The following TMCC3 variants were observed in gnomAD, a reference collection of about 807,000 sequenced individuals.
TMCC3 encodes the protein transmembrane and coiled-coil domain protein 3.
A neutral mutation model predicts 40.2 loss-of-function variants in TMCC3; 28 were observed. That is an observed-to-expected ratio of 0.70 (90% CI 0.52 to 0.95). TMCC3 has a LOEUF of 0.95. TMCC3 is among the 40% of genes least tolerant of loss of function. The probability of loss-of-function intolerance (pLI) is 0.00; values close to 1 mark genes in which losing one functional copy is unlikely to be tolerated. For synonymous variants in TMCC3, 255 were observed against 248.5 expected, an observed-to-expected ratio of 1.03 and a Z score of -0.25; for missense variants, 554 against 615.2, an observed-to-expected ratio of 0.90 and a Z score of 1.05.
intron 1 of TMCC3, among the ~76,000 whole-genome samples, chr12:94,597,569 C>T (rs967228859): frequency 1.2e-4 from 18 of 152,122 alleles, no homozygotes; most frequent in East Asian, 9.7e-4. Context: ...CTCTGGGAGG[C>T]TGAGGCAGGT....
chr12:94,615,381 C>T (rs951954177), intron 1 of TMCC3, among the ~76,000 whole-genome samples: 9 of 152,310 alleles, frequency 5.9e-5, no homozygotes, highest in Middle Eastern at 3.4e-3. Flanking sequence ...CTTCCTCTCC[C>T]ACAGCTCGAG....
chr12:94,616,006 C>G, intron 1 of TMCC3: 8 of 985,412 alleles, frequency 8.1e-6, no homozygotes, highest in Non-Finnish European at 9.6e-6. Flanking sequence ...ATCTGCAAGG[C>G]AGGCAGGCTA....
chr12:94,622,018 C>T (rs943340113), intron 1 of TMCC3, among the ~76,000 whole-genome samples: 1 of 152,194 alleles, frequency 6.6e-6, no homozygotes, highest in Non-Finnish European at 1.5e-5. Flanking sequence ...CAGCCCCACA[C>T]AGTTAACAAC....
chr12:94,571,083 A>C lies in TMCC3; in HGVS notation c.*352T>G, dbSNP rs769380785. 44 of 244,746 alleles carry C rather than the reference A, an allele frequency of 1.8e-4. No individual in the cohort carries two copies. Among genetic ancestry groups the C allele is most frequent in the Non-Finnish European group, 2.5e-4 (32 of 125,654 alleles). 15.2% of individuals were successfully genotyped at this position (244,746 alleles called of 1,614,324 possible). A position where few individuals can be genotyped will look rare whatever the true frequency, so the allele number is the denominator to read the frequency against. On this transcript the variant is annotated 3_prime_UTR_variant, in exon 4 of 4. Coordinates refer to ENST00000261226, the MANE Select transcript of TMCC3 (RefSeq NM_020698.4). ...ACAACCATTAGCAATTGTGAAGCTC[A>C]ATTCTGACAGAGACTTAGGAGAGAG...
chr12:94,580,474 T>C (rs1368103385), intron 2 of TMCC3, among the ~76,000 whole-genome samples: 3 of 152,158 alleles, frequency 2.0e-5, no homozygotes, highest in Non-Finnish European at 4.4e-5. Context: ...GTGGTTCATG[T>C]CTGTAATCCC....
chr12:94,574,601 C>T lies in TMCC3; in HGVS notation c.1132-2864G>A, dbSNP rs142955954. Among the ~76,000 whole-genome samples the T allele has an allele frequency of 9.4e-3, 1,428 of 152,302 alleles. 31 individuals carry two copies. The highest frequency in any genetic ancestry group is 0.033 in the African/African-American group (1,374 of 41,560). On this transcript the variant is annotated intron_variant, in intron 3 of 3. Transcript: ENST00000261226. Reference sequence around the variant, plus strand: ...GATTTGCTTTTCTTCTGCTGAATAACTCTATGGGCCAAAGAACAGGTTCTC... The same window carrying T: ...GATTTGCTTTTCTTCTGCTGAATAATTCTATGGGCCAAAGAACAGGTTCTC...
chr12:94,587,950 T>A (rs1390244980), intron 1 of TMCC3, among the ~76,000 whole-genome samples: 9 of 152,230 alleles, frequency 5.9e-5, no homozygotes, highest in Non-Finnish European at 1.5e-5. Context: ...ATCCGCCTAC[T>A]GAAACGCCAT....
intron 1 of TMCC3, chr12:94,598,901 G>C: frequency 4.3e-6 from 2 of 465,170 alleles, no homozygotes; most frequent in Non-Finnish European, 5.6e-6. Flanking sequence ...ATTTGGGTTG[G>C]CTGTATCTCC....
chr12:94,632,430 A>T (rs907070706), intron 1 of TMCC3, among the ~76,000 whole-genome samples: 1 of 152,240 alleles, frequency 6.6e-6, no homozygotes, highest in Non-Finnish European at 1.5e-5. Context: ...TTTCAGGTAA[A>T]ATTAAAGTAC....
intron 1 of TMCC3, among the ~76,000 whole-genome samples, chr12:94,593,679 T>C (rs975515076): frequency 6.6e-6 from 1 of 152,036 alleles, no homozygotes; most frequent in African/African-American, 2.4e-5. Context: ...TCACAAACAC[T>C]TGATACTGTA....
At position 94,614,366 on chromosome 12, in the gene TMCC3, C is replaced by T. The variant is rs117853465; in HGVS notation, c.79-31828G>A. Among the ~76,000 whole-genome samples the T allele has an allele frequency of 7.9e-3, 1,200 of 152,250 alleles. 8 individuals carry two copies. The highest frequency in any genetic ancestry group is 0.011 in the Non-Finnish European group (781 of 68,014). On this transcript the variant is annotated intron_variant, in intron 1 of 3. Transcript: ENST00000261226. Reference sequence around the variant, plus strand: ...GTTACACACAGGAATGTGAAGCATGCAGTCAGGAGAAAGCCCTGTAATTGC... The same window carrying T: ...GTTACACACAGGAATGTGAAGCATGTAGTCAGGAGAAAGCCCTGTAATTGC...
At chr12:94,585,495 G>A (rs1018253408) in intron 1 of TMCC3, among the ~76,000 whole-genome samples, 1 of 152,078 alleles carries the variant, frequency 6.6e-6, no homozygotes, top group Non-Finnish European at 1.5e-5. Context: ...AGGAGATCGA[G>A]ACCATCCTGG....
chr12:94,616,582 C>A (rs1341554229), intron 1 of TMCC3, among the ~76,000 whole-genome samples: 2 of 151,950 alleles, frequency 1.3e-5, no homozygotes, highest in African/African-American at 4.8e-5. Flanking sequence ...CGCCTCCTGG[C>A]GTAGTGGCCG....
In TMCC3 at chr12:94,571,550, A is replaced by C; in HGVS notation, c.1319T>G (p.Met440Arg). Reference sequence around the variant, plus strand: ...GCCAAGAATGTGGCAGCGACTCTTCATCATGGGTGAGACGAACTTCGCGAT... The same window carrying C: ...GCCAAGAATGTGGCAGCGACTCTTCCTCATGGGTGAGACGAACTTCGCGAT... ...STIAKFVSPM[M>R]KSRCHILGTF... is the part of the protein sequence containing the mutation. Residue 440 changes from methionine (M) to arginine (R), a missense_variant, in exon 4 of 4, where the codon ATG becomes AGG. Met to Arg is a moderately conservative substitution (Grantham distance 91, BLOSUM62 -1). Transcript: ENST00000261226. The C allele has an allele frequency of 6.2e-7, 1 of 1,614,224 alleles. No homozygotes were observed. The highest frequency in any genetic ancestry group is 2.2e-5 in the East Asian group (1 of 44,886).
intron 1 of TMCC3, among the ~76,000 whole-genome samples, chr12:94,634,732 C>T (rs2068951356): frequency 6.6e-6 from 1 of 152,176 alleles, no homozygotes; most frequent in Non-Finnish European, 1.5e-5. Context: ...AATGAGCCAC[C>T]TGAATGAAAG....
intron 1 of TMCC3, among the ~76,000 whole-genome samples, chr12:94,615,277 C>A (rs1459319618): frequency 6.6e-6 from 1 of 152,208 alleles, no homozygotes; most frequent in African/African-American, 2.4e-5. Context: ...TGAGCCTTCA[C>A]CACCCTATGG....
At chr12:94,610,959 T>C (rs2068812734) in intron 1 of TMCC3, among the ~76,000 whole-genome samples, 1 of 152,094 alleles carries the variant, frequency 6.6e-6, no homozygotes, top group Non-Finnish European at 1.5e-5. Flanking sequence ...TTTGAGAGAG[T>C]AATTCATCTT....
intron 1 of TMCC3, among the ~76,000 whole-genome samples, chr12:94,623,650 C>T (rs749054207): frequency 6.6e-6 from 1 of 152,252 alleles, no homozygotes; most frequent in East Asian, 1.9e-4. Context: ...ACTACCACCA[C>T]GTCTATACAA....
chr12:94,605,174 C>T (rs1294053706), intron 1 of TMCC3, among the ~76,000 whole-genome samples: 1 of 152,042 alleles, frequency 6.6e-6, no homozygotes, highest in African/African-American at 2.4e-5. Context: ...AGGCTAGACA[C>T]CTGACCATGC....
Sources: gnomAD v4.1 joint callset for allele counts (sites outside exome capture counted in the v4.1 genomes callset) on GRCh38, gnomAD v4.1.1 for gene constraint, MANE v1.5 for transcripts, NCBI Gene and HGNC (gene_info 2026-07-23, HGNC 2026-07-21) for gene names.